CXCL13: variants seen among roughly 807,000 people sequenced by gnomAD.
The protein encoded by CXCL13 is C-X-C motif chemokine ligand 13.
CXCL13 carries 7 observed loss-of-function variants against 12.2 expected under a neutral mutation model. That is an observed-to-expected ratio of 0.57 (90% CI 0.33 to 1.07). The LOEUF (loss-of-function observed/expected upper bound fraction) is 1.07. Ranked by LOEUF, CXCL13 falls within the 50% of genes least tolerant of loss-of-function variation. The pLI is 0.04. For synonymous variants in CXCL13, 47 were observed against 42.4 expected (o/e 1.11, Z -0.42); for missense variants, 113 against 127.4 (o/e 0.89, Z 0.55).
chr4:77,533,572 G>A (rs965285059), intron 1 of CXCL13, among the ~76,000 whole-genome samples: 2 of 152,176 alleles, frequency 1.3e-5, no homozygotes, highest in African/African-American at 4.8e-5. Flanking sequence ...ATCAGACAGG[G>A]ACATTTAAGT....
chr4:77,587,764 A>G (rs1262569973), intron 1 of CXCL13, among the ~76,000 whole-genome samples: 1 of 152,214 alleles, frequency 6.6e-6, no homozygotes, highest in African/African-American at 2.4e-5. Flanking sequence ...CTGTCTTTTC[A>G]GTTCTCTGAT....
At chr4:77,608,164 G>A (rs956793312) in intron 2 of CXCL13, among the ~76,000 whole-genome samples, 5 of 152,274 alleles carry the variant, frequency 3.3e-5, no homozygotes, top group Admixed American at 3.3e-4. Flanking sequence ...TTAGTGGCCA[G>A]GCGTGGTGGC....
At chr4:77,600,659 G>A (rs986465638) in intron 1 of CXCL13, among the ~76,000 whole-genome samples, 1 of 152,160 alleles carries the variant, frequency 6.6e-6, no homozygotes, top group African/African-American at 2.4e-5. Context: ...ACAATTGCTT[G>A]ATCACTTTGA....
At position 77,590,571 on chromosome 4, in the gene CXCL13, G is replaced by T. The variant is rs1350125034; in HGVS notation, c.-42-15253G>T. Among the ~76,000 whole-genome samples, 4 of 152,270 alleles carry T rather than the reference G, an allele frequency of 2.6e-5. No homozygotes were observed. In the South Asian group the frequency reaches 6.2e-4, roughly 24 times the overall value. ...AACGCTCAAGAACAGGTTTTCCATG[G>T]ACATAAGTCACATGGCCATTCCTTC... On this transcript the variant is annotated intron_variant, in intron 1 of 4. Coordinates refer to the CXCL13 transcript ENST00000286758.
intron 2 of CXCL13, among the ~76,000 whole-genome samples, chr4:77,609,419 C>A (rs1317763343): frequency 1.3e-5 from 2 of 151,626 alleles, no homozygotes; most frequent in Non-Finnish European, 2.9e-5. Context: ...TTCAAGCAAG[C>A]CTCCCTCCTC....
chr4:77,603,376 T>C (rs1726933279), upstream of CXCL13, among the ~76,000 whole-genome samples: 1 of 152,210 alleles, frequency 6.6e-6, no homozygotes, highest in Non-Finnish European at 1.5e-5. Context: ...AGAATAGTGC[T>C]AGGACAAAGG....
intron 1 of CXCL13, among the ~76,000 whole-genome samples, chr4:77,564,044 T>A (rs963445254): frequency 6.6e-6 from 1 of 152,206 alleles, no homozygotes; most frequent in Non-Finnish European, 1.5e-5. Flanking sequence ...AAATTCTTAA[T>A]AATTGTGAAC....
intron 1 of CXCL13, among the ~76,000 whole-genome samples, chr4:77,568,101 T>A (rs1725980247): frequency 6.6e-6 from 1 of 152,174 alleles, no homozygotes; most frequent in Non-Finnish European, 1.5e-5. Flanking sequence ...GTGACATCAT[T>A]TCTGGTAACA....
At chr4:77,580,240 T>C (rs1179546516) in intron 1 of CXCL13, among the ~76,000 whole-genome samples, 2 of 149,724 alleles carry the variant, frequency 1.3e-5, no homozygotes, top group Non-Finnish European at 3.0e-5. Context: ...AAACCTACAA[T>C]TTTATACAAA....
intron 1 of CXCL13, among the ~76,000 whole-genome samples, chr4:77,513,331 G>C (rs1470104440): frequency 6.6e-6 from 1 of 152,090 alleles, no homozygotes; most frequent in African/African-American, 2.4e-5. Flanking sequence ...GGTATTTCTA[G>C]TTCTAGATTC....
chr4:77,583,483 A>G (rs1578064880), intron 1 of CXCL13, among the ~76,000 whole-genome samples: 1 of 152,352 alleles, frequency 6.6e-6, no homozygotes, highest in Admixed American at 6.5e-5. Context: ...GGGTTGGAGA[A>G]CAATTTTCCT....
At chr4:77,515,718 G>C (rs1361983782) in intron 1 of CXCL13, among the ~76,000 whole-genome samples, 2 of 152,170 alleles carry the variant, frequency 1.3e-5, no homozygotes, top group Non-Finnish European at 2.9e-5. Flanking sequence ...CTGAGACATT[G>C]GGATTTTCTA....
chr4:77,536,197 AGT>A (rs1322780724), intron 1 of CXCL13, among the ~76,000 whole-genome samples: 1 of 152,158 alleles, frequency 6.6e-6, no homozygotes, highest in Non-Finnish European at 1.5e-5. Context: ...GCAGATATCC[AGT>A]GTAGTTTACA....
At chr4:77,580,538 G>A (rs111377748) in intron 1 of CXCL13, among the ~76,000 whole-genome samples, 1 of 151,312 alleles carries the variant, frequency 6.6e-6, no homozygotes, top group Non-Finnish European at 1.5e-5. Flanking sequence ...TGTTAGCCTG[G>A]ATGGTTTCCA....
chr4:77,588,669 C>T (rs1246315237), intron 1 of CXCL13, among the ~76,000 whole-genome samples: 1 of 152,234 alleles, frequency 6.6e-6, no homozygotes, highest in African/African-American at 2.4e-5. Flanking sequence ...TTCTCTCTAG[C>T]CTGAGACATG....
intron 1 of CXCL13, among the ~76,000 whole-genome samples, chr4:77,520,772 G>T (rs1724572925): frequency 6.6e-6 from 1 of 152,190 alleles, no homozygotes; most frequent in Non-Finnish European, 1.5e-5. Context: ...AGTGGTGAGA[G>T]AGGGCATCTC....
At chr4:77,554,318 A>C (rs542862737) in intron 1 of CXCL13, among the ~76,000 whole-genome samples, 57 of 152,322 alleles carry the variant, frequency 3.7e-4, no homozygotes, top group African/African-American at 1.1e-3. Flanking sequence ...ATTTACCTTA[A>C]GAAAACTAGA....
intron 1 of CXCL13, among the ~76,000 whole-genome samples, chr4:77,514,613 A>C (rs549694068): frequency 6.7e-6 from 1 of 148,444 alleles, no homozygotes; most frequent in Non-Finnish European, 1.5e-5. Context: ...TCTTTTGAGA[A>C]GTGTCTGTTC....
intron 1 of CXCL13, among the ~76,000 whole-genome samples, chr4:77,536,458 A>T (rs1370610868): frequency 6.6e-6 from 1 of 152,170 alleles, no homozygotes; most frequent in Non-Finnish European, 1.5e-5. Flanking sequence ...CTGGGTTCAA[A>T]TCCTGGCTCT....
Sources: allele counts gnomAD v4.1 joint callset (sites outside exome capture counted in the v4.1 genomes callset), GRCh38; gene constraint gnomAD v4.1.1; transcripts MANE v1.5; gene names NCBI Gene and HGNC (gene_info 2026-07-23, HGNC 2026-07-21).